The following PTPRK variants were observed in gnomAD, a reference collection of about 807,000 sequenced individuals.
PTPRK encodes the protein receptor-type tyrosine-protein phosphatase kappa.
Under a neutral mutation model 178.0 loss-of-function variants are expected in PTPRK, and 75 were observed. That is an observed-to-expected ratio of 0.42 (90% confidence interval 0.35 to 0.51). The LOEUF (loss-of-function observed/expected upper bound fraction) is 0.51, where lower values mean the gene tolerates loss of function less well. PTPRK is among the 20% of genes least tolerant of loss of function. The probability of loss-of-function intolerance (pLI) is 0.02; values close to 1 mark genes in which losing one functional copy is unlikely to be tolerated. For synonymous variants in PTPRK, 637 were observed against 620.6 expected, an observed-to-expected ratio of 1.03 and a Z score of -0.39; for missense variants, 1,441 against 1,797.8, an observed-to-expected ratio of 0.80 and a Z score of 3.59.
intron 13 of PTPRK, among the ~76,000 whole-genome samples, chr6:128,014,978 A>G (rs1430888946): frequency 6.6e-6 from 1 of 151,682 alleles, no homozygotes; most frequent in Non-Finnish European, 1.5e-5. Context: ...ATTCTCCTTT[A>G]ATAATGATAT....
At chr6:128,374,241 T>G (rs1836701690) in intron 2 of PTPRK, among the ~76,000 whole-genome samples, 1 of 152,158 alleles carries the variant, frequency 6.6e-6, no homozygotes, top group South Asian at 2.1e-4. Context: ...CTCTAAACAC[T>G]GGAGTAATGC....
intron 7 of PTPRK, among the ~76,000 whole-genome samples, chr6:128,135,682 C>T (rs992179676): frequency 6.6e-6 from 1 of 151,970 alleles, no homozygotes; most frequent in Non-Finnish European, 1.5e-5. Flanking sequence ...ATCCCTATGC[C>T]CTCTGAGCCT....
At chr6:128,110,301 T>C (rs887132369) in intron 7 of PTPRK, among the ~76,000 whole-genome samples, 2 of 152,130 alleles carry the variant, frequency 1.3e-5, no homozygotes, top group Non-Finnish European at 2.9e-5. Flanking sequence ...GGACACCCTA[T>C]TTACAAAATG....
intron 2 of PTPRK, among the ~76,000 whole-genome samples, chr6:128,341,138 A>AT (rs536037715): frequency 2.6e-5 from 4 of 151,822 alleles, no homozygotes; most frequent in East Asian, 1.9e-4. Context: ...GCCACATTTG[A>AT]TTTTTTTTCT....
rs976762732 is a variant in PTPRK, at chr6:127,969,542, A to T, written c.*685T>A. The T allele has an allele frequency of 1.3e-5, 2 of 152,162 alleles. No individual in the cohort carries two copies. The highest frequency in any genetic ancestry group is 4.8e-5 in the African/African-American group (2 of 41,458). 9.4% of individuals were successfully genotyped at this position (152,162 alleles called of 1,614,324 possible). ...TTTAGCTAAAGAAAAAGCTTTCTTC[A>T]GGAAAAAAAAGATGATTGTGTGGTG... On this transcript the variant is annotated 3_prime_UTR_variant, in exon 30 of 30. Coordinates refer to ENST00000368226, the MANE Select transcript of PTPRK (RefSeq NM_002844.4).
chr6:127,989,111 G>A (rs1428105863), intron 21 of PTPRK, among the ~76,000 whole-genome samples: 1 of 151,900 alleles, frequency 6.6e-6, no homozygotes, highest in African/African-American at 2.4e-5. Flanking sequence ...ATTGGATTTT[G>A]GCAATATCTC....
At chr6:128,075,809 T>C (rs957109324) in intron 11 of PTPRK, among the ~76,000 whole-genome samples, 2 of 151,996 alleles carry the variant, frequency 1.3e-5, no homozygotes, top group Admixed American at 1.3e-4. Context: ...GTTTGTTTGA[T>C]ATTAGGAAGA....
chr6:128,323,370 C>T (rs1341959031), intron 2 of PTPRK, among the ~76,000 whole-genome samples: 1 of 152,106 alleles, frequency 6.6e-6, no homozygotes, highest in Non-Finnish European at 1.5e-5. Flanking sequence ...GAAGATGGAA[C>T]ACAAATTTTA....
chr6:128,092,465 T>C (rs767257664), intron 7 of PTPRK, among the ~76,000 whole-genome samples: 2 of 152,188 alleles, frequency 1.3e-5, no homozygotes, highest in African/African-American at 2.4e-5. Context: ...TTAATTGGCA[T>C]GCACCTTAAA....
chr6:128,032,311 G>A (rs1285070958), intron 13 of PTPRK, among the ~76,000 whole-genome samples: 1 of 152,010 alleles, frequency 6.6e-6, no homozygotes, highest in African/African-American at 2.4e-5. Flanking sequence ...CAGCCCCTTT[G>A]TGGTTTTCTT....
At chr6:128,149,237 G>T (rs1407099705) in intron 7 of PTPRK, among the ~76,000 whole-genome samples, 1 of 151,564 alleles carries the variant, frequency 6.6e-6, no homozygotes, top group Admixed American at 6.6e-5. Context: ...CACCAACATG[G>T]CACATGTATA....
chr6:128,260,545 G>A (rs1304582869), intron 3 of PTPRK, among the ~76,000 whole-genome samples: 2 of 152,176 alleles, frequency 1.3e-5, no homozygotes, highest in East Asian at 3.8e-4. Context: ...AGAAGGCTGG[G>A]ATGGAGATTA....
chr6:128,336,299 A>G (rs1318722040), intron 2 of PTPRK, among the ~76,000 whole-genome samples: 3 of 152,090 alleles, frequency 2.0e-5, no homozygotes, highest in Non-Finnish European at 4.4e-5. Context: ...GTAAACACAA[A>G]CATTGAGAAA....
chr6:128,407,431 G>A (rs1164512949), intron 1 of PTPRK, among the ~76,000 whole-genome samples: 1 of 151,910 alleles, frequency 6.6e-6, no homozygotes, highest in Non-Finnish European at 1.5e-5. Context: ...GAGCCTAAGA[G>A]TTCAAGACCA....
At chr6:128,183,131 G>A (rs1279945591) in intron 7 of PTPRK, among the ~76,000 whole-genome samples, 1 of 152,098 alleles carries the variant, frequency 6.6e-6, no homozygotes, top group Admixed American at 6.6e-5. Context: ...ATTAGCATGG[G>A]ATATTAATTT....
intron 1 of PTPRK, among the ~76,000 whole-genome samples, chr6:128,455,478 GTTAAAA>G (rs1848280162): frequency 6.6e-6 from 1 of 152,084 alleles, no homozygotes; most frequent in African/African-American, 2.4e-5. Context: ...ACTGAAAACA[GTTAAAA>G]TTAAAGCATA....
chr6:128,369,031 C>A (rs538880825), intron 2 of PTPRK, among the ~76,000 whole-genome samples: 1 of 149,480 alleles, frequency 6.7e-6, no homozygotes, highest in African/African-American at 2.5e-5. Flanking sequence ...AATTCACGTT[C>A]TTTTAAAGAG....
intron 13 of PTPRK, among the ~76,000 whole-genome samples, chr6:128,060,994 A>G (rs1228809258): frequency 2.0e-5 from 3 of 152,164 alleles, no homozygotes; most frequent in Non-Finnish European, 4.4e-5. Flanking sequence ...TTCAAATTCA[A>G]TTACCAACTC....
chr6:127,972,709 A>C (rs1465050617), intron 29 of PTPRK, among the ~76,000 whole-genome samples: 3 of 152,184 alleles, frequency 2.0e-5, no homozygotes, highest in Admixed American at 1.3e-4. Context: ...TTGATATAGG[A>C]TTTATTCTTC....
Sources: allele counts gnomAD v4.1 joint callset (sites outside exome capture counted in the v4.1 genomes callset), GRCh38; gene constraint gnomAD v4.1.1; transcripts MANE v1.5; gene names NCBI Gene and HGNC (gene_info 2026-07-23, HGNC 2026-07-21).